KLKB1: variants seen among roughly 807,000 people sequenced by gnomAD.
KLKB1 encodes the protein plasma kallikrein.
A neutral mutation model predicts 73.6 loss-of-function variants in KLKB1; 58 were observed. That is an observed-to-expected ratio of 0.79 (90% CI 0.64 to 0.98). KLKB1 has a LOEUF of 0.98. Among genes scored for constraint, KLKB1 ranks in the 50% least tolerant of loss-of-function variants. The probability of loss-of-function intolerance (pLI) is 0.00; values close to 1 mark genes in which losing one functional copy is unlikely to be tolerated. For synonymous variants in KLKB1, 280 were observed against 258.1 expected (o/e 1.08, Z -0.81); for missense variants, 737 against 763.8 (o/e 0.96, Z 0.41).
At chr4:186,212,071 A>G (rs1736741931) in intron 2 of KLKB1, 1 of 152,214 alleles carries the variant, frequency 6.6e-6, no homozygotes, top group Non-Finnish European at 1.5e-5. Flanking sequence ...GTAAGGGAAT[A>G]GAATCAATAA....
chr4:186,250,451 G>A (rs1738609051), intron 7 of KLKB1, 49 bp downstream of exon 7: 3 of 1,578,560 alleles, frequency 1.9e-6, no homozygotes, highest in Non-Finnish European at 2.6e-6. Flanking sequence ...TGCATGGGGA[G>A]CACTTGCTGC....
At position 186,232,351 on chromosome 4, in the gene KLKB1, GA is replaced by G. The variant is rs1579996102; in HGVS notation, c.221+65del. The G allele has an allele frequency of 3.4e-6, 5 of 1,474,574 alleles. No individual in the cohort carries two copies. In the East Asian group the frequency reaches 1.1e-4, roughly 33 times the overall value. The allele number at this position is 1,474,574 out of a possible 1,614,324, so 91.3% of individuals were successfully genotyped here. A position where few individuals can be genotyped will look rare whatever the true frequency, so the allele number is the denominator to read the frequency against. Reference sequence around the variant, plus strand: ...TTCAAAACTGAATCAGTTTTGTGCAGAAAGGTGTAGTATAACTGAGAGTTCT... The same window carrying G: ...TTCAAAACTGAATCAGTTTTGTGCAGAAGGTGTAGTATAACTGAGAGTTCT... On this transcript the variant is annotated intron_variant, in intron 3 of 14. Coordinates refer to ENST00000264690, the MANE Select transcript of KLKB1 (RefSeq NM_000892.5).
At chr4:186,244,124 G>C (rs1293983426) in intron 6 of KLKB1, among the ~76,000 whole-genome samples, 3 of 152,148 alleles carry the variant, frequency 2.0e-5, no homozygotes, top group Non-Finnish European at 4.4e-5. Flanking sequence ...TAATGAAAAG[G>C]GTTGGGATGA....
chr4:186,223,621 A>T (rs1008308119), upstream of KLKB1, among the ~76,000 whole-genome samples: 1 of 152,204 alleles, frequency 6.6e-6, no homozygotes, highest in African/African-American at 2.4e-5. Context: ...GCAGAAAAGC[A>T]TTCAAATATA....
rs368833167 is a variant in KLKB1, at chr4:186,254,957, CAT to C, written c.1489+195_1489+196del. On this transcript the variant is annotated intron_variant, in intron 12 of 14. Transcript: ENST00000264690. Reference sequence around the variant, plus strand: ...AATCTCTTCTACTTAAAGAGCAAGACATGTGAATTAATTCTTTCAGGGAGGGA... The same window carrying C: ...AATCTCTTCTACTTAAAGAGCAAGACGTGAATTAATTCTTTCAGGGAGGGA... 2.0e-3 allele frequency among the ~76,000 whole-genome samples: 311 copies of C among 152,260 alleles called. 2 individuals are homozygous for C. Among genetic ancestry groups the C allele is most frequent in the African/African-American group, 7.1e-3 (296 of 41,550 alleles).
Position 186,238,336 on chromosome 4 carries a change from C to T in KLKB1, c.569C>T (p.Ser190Leu). The T allele has an allele frequency of 6.2e-7, 1 of 1,613,468 alleles. No individual in the cohort carries two copies. Among genetic ancestry groups the T allele is most frequent in the Non-Finnish European group, 8.5e-7 (1 of 1,179,410 alleles). ...CTGAGTAACGTGGAATCTGGATTCT[C>T]ACTGAAGCCCTGTGCCCTTTCAGAA... Reference protein sequence around the residue: ...KVLSNVESGFSLKPCALSEIG... With the variant: ...KVLSNVESGFLLKPCALSEIG... Residue 190 changes from serine to leucine, a missense_variant, in exon 6 of 15, where the codon TCA becomes TTA. Coordinates refer to ENST00000264690, the MANE Select transcript of KLKB1 (RefSeq NM_000892.5).
At chr4:186,247,502 C>A (rs1738418340) in intron 6 of KLKB1, among the ~76,000 whole-genome samples, 1 of 152,110 alleles carries the variant, frequency 6.6e-6, no homozygotes, top group African/African-American at 2.4e-5. Context: ...CAGGAACCGG[C>A]CATTTTCACT....
intron 2 of KLKB1, among the ~76,000 whole-genome samples, chr4:186,216,411 T>A (rs531502176): frequency 6.6e-6 from 1 of 150,856 alleles, no homozygotes; most frequent in Non-Finnish European, 1.5e-5. Flanking sequence ...TGGCAGGGAG[T>A]GAGAAGCGTT....
intron 2 of KLKB1, among the ~76,000 whole-genome samples, chr4:186,231,568 G>A (rs1212324337): frequency 1.3e-5 from 2 of 152,248 alleles, no homozygotes; most frequent in Non-Finnish European, 2.9e-5. Flanking sequence ...TGCTAGAAAA[G>A]GACACAGGAT....
rs1739130888 is a variant in KLKB1 at position 186,258,324 on chromosome 4, G to C, written c.*112G>C. 19 of 963,514 alleles carry C rather than the reference G, an allele frequency of 2.0e-5. No homozygotes were observed. The highest frequency in any genetic ancestry group is 2.8e-5 in the Non-Finnish European group (17 of 612,646). 59.7% of individuals were successfully genotyped at this position (963,514 alleles called of 1,614,324 possible). On this transcript the variant is annotated 3_prime_UTR_variant, in exon 15 of 15. Transcript: ENST00000264690. Reference sequence around the variant, plus strand: ...GAGTGGCATCTTCTTTGCATCCTAAGGACGAAAAACACAGTGCACTCAGAG... The same window carrying C: ...GAGTGGCATCTTCTTTGCATCCTAACGACGAAAAACACAGTGCACTCAGAG...
Position 186,251,255 on chromosome 4 carries a change from A to G in KLKB1, c.795A>G (p.Thr265=), listed in dbSNP as rs759167047. The G allele has an allele frequency of 6.2e-6, 10 of 1,611,930 alleles. No homozygotes were observed. The highest frequency in any genetic ancestry group is 6.8e-6 in the Non-Finnish European group (8 of 1,178,256). ...TTCTTAAAACATCTGAAAGTGGCAC[A>G]CCAAGTTCCTCTACTCCTCAAGAAA... ...VCLLKTSESG[T]PSSSTPQENT... is the part of the protein sequence containing the mutation. The change falls in exon 8 of 15, where the codon ACA becomes ACG. Residue 265 remains threonine (T), a synonymous_variant. Transcript: ENST00000264690.
In KLKB1 at chr4:186,252,239, G is replaced by A. The variant is rs1223888992; in HGVS notation, c.1313+54G>A. The A allele has an allele frequency of 3.8e-6, 6 of 1,564,454 alleles. No homozygotes were observed. The Admixed American group carries it at 5.0e-5, about 13-fold the overall frequency. On this transcript the variant is annotated intron_variant, in intron 11 of 14. Coordinates refer to ENST00000264690, the MANE Select transcript of KLKB1 (RefSeq NM_000892.5). The stretch of plus-strand genomic sequence containing the variant: ...TCTTATCTTGGCTTTTCATTTTGAA[G>A]GATCTATGATCAGCTGCTTCACCGC...
intron 2 of KLKB1, among the ~76,000 whole-genome samples, chr4:186,215,852 G>A (rs1736889412): frequency 6.6e-6 from 1 of 152,138 alleles, no homozygotes; most frequent in South Asian, 2.1e-4. Context: ...CATCTTCCTA[G>A]GAGTGGGATT....
intron 2 of KLKB1, among the ~76,000 whole-genome samples, chr4:186,219,563 A>G (rs1393744374): frequency 3.3e-5 from 5 of 152,242 alleles, no homozygotes; most frequent in African/African-American, 1.2e-4. Flanking sequence ...AAGTGTATAC[A>G]TACACAAACA....
chr4:186,257,252 G>T lies in KLKB1; in HGVS notation c.1612G>T (p.Val538Leu). ...TGAAATCCAAAATATTCTACAAAAG[G>T]TAAATATTCCTTTGGTAACAAATGA... ...KGEIQNILQK[V>L]NIPLVTNEEC... Residue 538 changes from valine (V) to leucine (L), a missense_variant, in exon 14 of 15, where the codon GTA (valine) becomes TTA (leucine). Physicochemically the swap from Val to Leu is conservative, Grantham distance 32. Transcript: ENST00000264690. 2 of 1,595,258 alleles carry T rather than the reference G, an allele frequency of 1.3e-6. No individual in the cohort carries two copies. Among genetic ancestry groups the T allele is most frequent in the Non-Finnish European group, 1.7e-6 (2 of 1,168,098 alleles).
chr4:186,258,342 A>G lies in KLKB1; in HGVS notation c.*130A>G, dbSNP rs188802095. ...ATCCTAAGGACGAAAAACACAGTGC[A>G]CTCAGAGCTGCTGAGGACAATGTCT... On this transcript the variant is annotated 3_prime_UTR_variant, in exon 15 of 15. Transcript: ENST00000264690. The G allele has an allele frequency of 1.4e-4, 112 of 823,560 alleles. No homozygotes were observed. The African/African-American group carries it at 1.8e-3, about 13-fold the overall frequency. The allele number at this position is 823,560 out of a possible 1,614,324, so 51.0% of individuals were successfully genotyped here.
At chr4:186,229,133 T>G (rs186979038) in intron 2 of KLKB1, 1 of 152,244 alleles carries the variant, frequency 6.6e-6, no homozygotes, top group African/African-American at 2.4e-5. Context: ...GCAAACCCAC[T>G]GAAAGGTGAG....
chr4:186,244,180 G>A (rs1272505770), intron 6 of KLKB1, among the ~76,000 whole-genome samples: 1 of 152,174 alleles, frequency 6.6e-6, no homozygotes. Flanking sequence ...CTGTTTTTAA[G>A]GAATGGCAAG....
At chr4:186,257,023 G>A (rs1051174248) in intron 13 of KLKB1, among the ~76,000 whole-genome samples, 1 of 150,922 alleles carries the variant, frequency 6.6e-6, no homozygotes, top group Non-Finnish European at 1.5e-5. Context: ...GTGTGTGTGT[G>A]TAACACTACC....
Sources: gnomAD v4.1 joint callset for allele counts (sites outside exome capture counted in the v4.1 genomes callset) on GRCh38, gnomAD v4.1.1 for gene constraint, MANE v1.5 for transcripts, NCBI Gene and HGNC (gene_info 2026-07-23, HGNC 2026-07-21) for gene names.